FAM163B: variants seen among roughly 807,000 people sequenced by gnomAD.
FAM163B encodes the protein protein FAM163B.
In FAM163B, 4 loss-of-function variants were observed where a neutral mutation model predicts 7.6. The observed-to-expected ratio is 0.52, with a 90% confidence interval of 0.26 to 1.20. The LOEUF (loss-of-function observed/expected upper bound fraction) is 1.20, where lower values mean the gene tolerates loss of function less well. Among genes scored for constraint, FAM163B ranks in the 50% most tolerant of loss-of-function variants. FAM163B has a pLI of 0.14. For missense variants in FAM163B, 250 were observed against 243.0 expected (o/e 1.03, Z -0.19); for synonymous variants, 120 against 111.6 (o/e 1.07, Z -0.47).
chr9:133,586,749 A>G (rs7869889), intron 1 of FAM163B, among the ~76,000 whole-genome samples: 32,918 of 152,194 alleles, frequency 0.22, 4,441 homozygotes, highest in East Asian at 0.42. Context: ...GCAGTTGGGT[A>G]GGAGTAAGGC....
rs898653272 is a variant in FAM163B at position 133,606,320 on chromosome 9, G to T, written c.-24+2757C>A. ...AAGGCCTGCGGGAGGATTCAGCAAC[G>T]GAGGGAGGGAGCTGGCAAACACTGA... is the stretch of plus-strand genomic sequence containing the variant. On this transcript the variant is annotated intron_variant, in intron 1 of 2. Transcript: ENST00000673969. The surrounding 1 kb of genome is among the most constrained non-coding windows in gnomAD (Gnocchi z 4.0). 1.3e-5 allele frequency among the ~76,000 whole-genome samples: 2 copies of T among 152,234 alleles called. No individual in the cohort carries two copies. The highest frequency in any genetic ancestry group is 4.8e-5 in the African/African-American group (2 of 41,472).
At chr9:133,581,112 G>A (rs1415177984) in intron 1 of FAM163B, among the ~76,000 whole-genome samples, 1 of 152,184 alleles carries the variant, frequency 6.6e-6, no homozygotes, top group Non-Finnish European at 1.5e-5. Flanking sequence ...ACACAACGCA[G>A]GGAGGCTGGA....
chr9:133,602,603 T>G (rs1437950687), intron 1 of FAM163B, among the ~76,000 whole-genome samples: 1 of 145,566 alleles, frequency 6.9e-6, no homozygotes, highest in Non-Finnish European at 1.5e-5. Flanking sequence ...TGGAAAACAG[T>G]TTTTTTTTTT....
At chr9:133,584,520 G>C (rs1180693430) in intron 1 of FAM163B, among the ~76,000 whole-genome samples, 1 of 152,224 alleles carries the variant, frequency 6.6e-6, no homozygotes, top group Non-Finnish European at 1.5e-5. Flanking sequence ...AACATCAAGT[G>C]ATAAGGCGAA....
chr9:133,588,680 C>CATTGAGGGATCTAGCATGT, intron 1 of FAM163B, among the ~76,000 whole-genome samples: 1 of 47,754 alleles, frequency 2.1e-5, no homozygotes, highest in East Asian at 5.5e-4. Context: ...ATCTAGCATA[C>CATTGAGGGATCTAGCATGT]TGAGAGATCT....
chr9:133,607,597 G>C (rs111505027), intron 1 of FAM163B, among the ~76,000 whole-genome samples: 2,025 of 152,280 alleles, frequency 0.013, 40 homozygotes, highest in African/African-American at 0.046. Flanking sequence ...CAGACCCCCA[G>C]ATCCTTCGGG....
At chr9:133,605,748 C>T (rs1831782193) in intron 1 of FAM163B, among the ~76,000 whole-genome samples, 1 of 152,178 alleles carries the variant, frequency 6.6e-6, no homozygotes, top group Admixed American at 6.5e-5. Context: ...CCGGCGCTGC[C>T]TGAGCCTGAC....
intron 2 of FAM163B, among the ~76,000 whole-genome samples, chr9:133,579,885 G>A (rs1831328655): frequency 6.6e-6 from 1 of 152,216 alleles, no homozygotes; most frequent in Admixed American, 6.5e-5. Context: ...GGCAGCTGGT[G>A]CCCTTGGCTA....
At chr9:133,588,625 C>T (rs79191681) in intron 1 of FAM163B, among the ~76,000 whole-genome samples, 69 of 23,348 alleles carry the variant, frequency 3.0e-3, no homozygotes, top group Middle Eastern at 0.042. Context: ...AAGGATCTAG[C>T]ATGTTGAGGG....
At chr9:133,586,181 G>A (rs1831435264) in intron 1 of FAM163B, 1 of 152,282 alleles carries the variant, frequency 6.6e-6, no homozygotes, top group African/African-American at 2.4e-5. Context: ...CCGGCTGGGG[G>A]TGGGCTGGCA....
chr9:133,605,819 C>A (rs1831782628), intron 1 of FAM163B, among the ~76,000 whole-genome samples: 1 of 152,210 alleles, frequency 6.6e-6, no homozygotes, highest in Non-Finnish European at 1.5e-5. Context: ...ATCACCCCAA[C>A]ACAAACATCC....
rs1564193376 is a variant in FAM163B, at chr9:133,590,059, T to TCCCTTCCCTTCCCTTCCCTTC, written c.-23-9814_-23-9813insGAAGGGAAGGGAAGGGAAGGG. ...TAAGTTCCCTTCCCTTCCCTTCCCT[T>TCCCTTCCCTTCCCTTCCCTTC]CCCTTCCCCTTCCCTTCCCCTTCCC... On this transcript the variant is annotated intron_variant, in intron 1 of 2. Transcript: ENST00000673969. Among the ~76,000 whole-genome samples the TCCCTTCCCTTCCCTTCCCTTC allele has an allele frequency of 8.6e-5, 2 of 23,264 alleles. 1 individual carries two copies. The highest frequency in any genetic ancestry group is 4.4e-4 in the African/African-American group (2 of 4,564). 15.3% of individuals were successfully genotyped at this position (23,264 alleles called of 152,430 possible).
At chr9:133,605,000 T>G (rs983680151) in intron 1 of FAM163B, among the ~76,000 whole-genome samples, 4 of 152,226 alleles carry the variant, frequency 2.6e-5, no homozygotes, top group African/African-American at 9.6e-5. Context: ...GTGGCGATGA[T>G]CCTGCCTGTG....
chr9:133,586,711 T>C (rs2131228479), intron 1 of FAM163B, among the ~76,000 whole-genome samples: 1 of 152,286 alleles, frequency 6.6e-6, no homozygotes, highest in South Asian at 2.1e-4. Context: ...GGAAGCTGTT[T>C]CCACGTTGGG....
chr9:133,587,666 C>T (rs1273773407), intron 1 of FAM163B, among the ~76,000 whole-genome samples: 2 of 151,978 alleles, frequency 1.3e-5, no homozygotes, highest in African/African-American at 2.4e-5. Context: ...GAGGGGACCC[C>T]GGCTGAGGGC....
intron 1 of FAM163B, among the ~76,000 whole-genome samples, chr9:133,590,114 TCCCCTTCCCC>T (rs1831524131): frequency 1.9e-4 from 2 of 10,546 alleles, no homozygotes; most frequent in Non-Finnish European, 3.7e-4. Context: ...TCCCTTCCCC[TCCCCTTCCCC>T]TCCCCTTCCC....
chr9:133,581,365 C>T (rs1455701426), intron 1 of FAM163B, among the ~76,000 whole-genome samples: 1 of 152,146 alleles, frequency 6.6e-6, no homozygotes, highest in Non-Finnish European at 1.5e-5. Context: ...TTTCCCAAGC[C>T]TCATTTTTAT....
At chr9:133,591,215 C>T (rs1489462149) in intron 1 of FAM163B, among the ~76,000 whole-genome samples, 5 of 152,226 alleles carry the variant, frequency 3.3e-5, no homozygotes. Context: ...TGGCAGGCAC[C>T]TGCTATGCCC....
intron 1 of FAM163B, among the ~76,000 whole-genome samples, chr9:133,583,228 T>A (rs926889533): frequency 9.2e-5 from 14 of 152,096 alleles, no homozygotes; most frequent in Non-Finnish European, 1.9e-4. Context: ...GGCTTACTGA[T>A]AGCAATGGGG....
Sources: allele counts gnomAD v4.1 joint callset (sites outside exome capture counted in the v4.1 genomes callset), GRCh38; gene constraint gnomAD v4.1.1; non-coding constraint Gnocchi (gnomAD v3.1); transcripts MANE v1.5; gene names NCBI Gene and HGNC (gene_info 2026-07-23, HGNC 2026-07-21).